INPP5A: variants seen among roughly 807,000 people sequenced by gnomAD.
INPP5A encodes inositol polyphosphate-5-phosphatase A, also known as 43 kDa inositol polyphosphate 5-phophatase.
Under a neutral mutation model 65.2 loss-of-function variants are expected in INPP5A, and 14 were observed. The observed-to-expected ratio is 0.21, with a 90% CI of 0.14 to 0.34. INPP5A has a LOEUF of 0.34. Among genes scored for constraint, INPP5A ranks in the 10% least tolerant of loss-of-function variants. INPP5A has a pLI of 1.00. For missense variants in INPP5A, 431 were observed against 545.6 expected (o/e 0.79, Z 2.09); for synonymous variants, 207 against 208.3 (o/e 0.99, Z 0.05).
chr10:132,570,888 C>T (rs558425369), intron 1 of INPP5A, among the ~76,000 whole-genome samples: 1 of 152,354 alleles, frequency 6.6e-6, no homozygotes, highest in East Asian at 1.9e-4. Context: ...CTTCCGGCCG[C>T]TGCTGCTCTC....
At chr10:132,701,083 G>A (rs1442010759) in intron 6 of INPP5A, among the ~76,000 whole-genome samples, 2 of 152,208 alleles carry the variant, frequency 1.3e-5, no homozygotes, top group Non-Finnish European at 2.9e-5. Context: ...CCTTCGGCGT[G>A]AGGGTTGTGT....
chr10:132,565,582 T>A (rs1270031209), intron 1 of INPP5A, among the ~76,000 whole-genome samples: 2 of 152,228 alleles, frequency 1.3e-5, no homozygotes, highest in Non-Finnish European at 2.9e-5. Context: ...TCTGTATGCA[T>A]GTGCATTTGT....
chr10:132,593,750 T>A (rs546504340), intron 1 of INPP5A, among the ~76,000 whole-genome samples: 14 of 139,926 alleles, frequency 1.0e-4, no homozygotes, highest in Non-Finnish European at 1.9e-4. Context: ...ACAATTGGGA[T>A]ATGATCTGCC....
At chr10:132,580,284 G>T (rs1325340472) in intron 1 of INPP5A, among the ~76,000 whole-genome samples, 1 of 152,166 alleles carries the variant, frequency 6.6e-6, no homozygotes, top group East Asian at 1.9e-4. Flanking sequence ...GATCCTGGGG[G>T]CCGATTTCTC....
At position 132,765,861 on chromosome 10, in the gene INPP5A, G is replaced by A. The variant is rs1379746061; in HGVS notation, c.977+15G>A. ...TTCCCTCCCAGGTATGGAACATGCTGTTTGCTGGATGAACCCGGCCGGGAA... is the reference window on the plus strand; with the variant it reads ...TTCCCTCCCAGGTATGGAACATGCTATTTGCTGGATGAACCCGGCCGGGAA... On this transcript the variant is annotated intron_variant, in intron 12 of 15. Transcript: ENST00000368594. The A allele has an allele frequency of 1.9e-6, 3 of 1,551,388 alleles. No individual in the cohort carries two copies. The highest frequency in any genetic ancestry group is 4.5e-5 in the East Asian group (2 of 44,596).
At chr10:132,723,419 G>T (rs113070544) in intron 8 of INPP5A, among the ~76,000 whole-genome samples, 2 of 152,150 alleles carry the variant, frequency 1.3e-5, no homozygotes, top group Admixed American at 1.3e-4. Flanking sequence ...CTGCGACACC[G>T]CACACAGATG....
At position 132,782,612 on chromosome 10, in the gene INPP5A, A is replaced by G. The variant is rs1209716878; in HGVS notation, c.*583A>G. The G allele has an allele frequency of 6.7e-6, 1 of 149,942 alleles. No homozygotes were observed. 9.3% of individuals were successfully genotyped at this position (149,942 alleles called of 1,614,324 possible). ...CATTTTTATATATATATAAATATAT[A>G]TAAATATATACTTTTTAAAAATAAT... is the stretch of plus-strand genomic sequence containing the variant. On this transcript the variant is annotated 3_prime_UTR_variant, in exon 16 of 16. Coordinates refer to ENST00000368594, the MANE Select transcript of INPP5A (RefSeq NM_005539.5). This position sits in a 1 kb window ranked among gnomAD's most constrained non-coding sequence, Gnocchi z 4.4.
intron 9 of INPP5A, among the ~76,000 whole-genome samples, chr10:132,734,156 G>T (rs887928813): frequency 6.6e-6 from 1 of 152,222 alleles, no homozygotes; most frequent in Non-Finnish European, 1.5e-5. Context: ...GGGATGCATC[G>T]CTGCAGGCGC....
In INPP5A at chr10:132,644,786, A is replaced by G. The variant is rs1021263025; in HGVS notation, c.118-1082A>G. Among the ~76,000 whole-genome samples, 12 of 152,226 alleles carry G rather than the reference A, an allele frequency of 7.9e-5. No homozygotes were observed. Among genetic ancestry groups the G allele is most frequent in the African/African-American group, 2.9e-4 (12 of 41,454 alleles). ...GTGTTCCAGGGGAGCGGGGTCAATC[A>G]GTGCCTCACCCCTCATCCTGCTCAA... On this transcript the variant is annotated intron_variant, in intron 2 of 15. Transcript: ENST00000368594. This position sits in a 1 kb window ranked among gnomAD's most constrained non-coding sequence, Gnocchi z 6.5.
chr10:132,601,621 A>G (rs1179806644), intron 1 of INPP5A, among the ~76,000 whole-genome samples: 1 of 152,158 alleles, frequency 6.6e-6, no homozygotes, highest in African/African-American at 2.4e-5. Context: ...AAGAATTTTT[A>G]TAGTTTTAGA....
At chr10:132,652,036 G>A (rs2072584609) in intron 4 of INPP5A, among the ~76,000 whole-genome samples, 1 of 151,460 alleles carries the variant, frequency 6.6e-6, no homozygotes, top group South Asian at 2.1e-4. Flanking sequence ...CTCCCCCTTG[G>A]TCCCTCCTCC....
chr10:132,650,252 G>C lies in INPP5A; in HGVS notation c.219-166G>C, dbSNP rs899891350. On this transcript the variant is annotated intron_variant, in intron 3 of 15. Coordinates refer to ENST00000368594, the MANE Select transcript of INPP5A (RefSeq NM_005539.5). This position sits in a 1 kb window ranked among gnomAD's most constrained non-coding sequence, Gnocchi z 5.5. ...ATGCTGAGAGCTGAACGTGAGGCCAGCTCCTGCGGTGGCTGCCGCCATTCC... is the reference window on the plus strand; with the variant it reads ...ATGCTGAGAGCTGAACGTGAGGCCACCTCCTGCGGTGGCTGCCGCCATTCC... Among the ~76,000 whole-genome samples, 14 of 152,186 alleles carry C rather than the reference G, an allele frequency of 9.2e-5. No homozygotes were observed. The highest frequency in any genetic ancestry group is 2.1e-4 in the Non-Finnish European group (14 of 68,028).
chr10:132,730,340 C>T (rs545710434), intron 9 of INPP5A, among the ~76,000 whole-genome samples: 3 of 152,344 alleles, frequency 2.0e-5, no homozygotes, highest in African/African-American at 7.2e-5. Flanking sequence ...GCCACGTGGG[C>T]GAGTCGGGTG....
chr10:132,758,112 T>C (rs1846662110), intron 11 of INPP5A, among the ~76,000 whole-genome samples: 1 of 128,976 alleles, frequency 7.8e-6, no homozygotes. Flanking sequence ...ATGGCGTGGG[T>C]CCCCGGCCGA....
chr10:132,677,465 G>A (rs982694557), intron 4 of INPP5A, among the ~76,000 whole-genome samples: 1 of 152,262 alleles, frequency 6.6e-6, no homozygotes, highest in South Asian at 2.1e-4. Context: ...CAGCAAGGGT[G>A]GGTGTCCTTA....
chr10:132,761,118 C>T lies in INPP5A; in HGVS notation c.904-4655C>T, dbSNP rs143801942. 6.4e-3 allele frequency among the ~76,000 whole-genome samples: 975 copies of T among 152,354 alleles called. 5 individuals carry two copies. Among genetic ancestry groups the T allele is most frequent in the Middle Eastern group, 0.01 (3 of 294 alleles). On this transcript the variant is annotated intron_variant, in intron 11 of 15. Transcript: ENST00000368594. ...CTTCGTGCCACGTCTGGTTCGACCT[C>T]GACTCCCTGGTGTGCTCTGCAGAGG...
rs1295586794 is a variant in INPP5A, at chr10:132,697,235, C to G, written c.371-581C>G. On this transcript the variant is annotated intron_variant, in intron 5 of 15. Transcript: ENST00000368594. This position sits in a 1 kb window ranked among gnomAD's most constrained non-coding sequence, Gnocchi z 5.6. ...CTGTCCATAAAAAGAAAGGCTGAGG[C>G]CTGGTTGTGAACAATAGTGAGACGG... Among the ~76,000 whole-genome samples the G allele has an allele frequency of 3.3e-5, 5 of 152,246 alleles. No individual in the cohort carries two copies. Among genetic ancestry groups the G allele is most frequent in the Non-Finnish European group, 7.3e-5 (5 of 68,042 alleles).
At chr10:132,614,523 C>G (rs1003424949) in intron 2 of INPP5A, among the ~76,000 whole-genome samples, 2 of 152,222 alleles carry the variant, frequency 1.3e-5, no homozygotes, top group South Asian at 4.1e-4. Context: ...GTGCTGGCCT[C>G]CTCAGCTGTC....
chr10:132,720,502 T>A (rs1590954960), intron 8 of INPP5A, among the ~76,000 whole-genome samples: 1 of 151,202 alleles, frequency 6.6e-6, no homozygotes, highest in East Asian at 2.0e-4. Context: ...TAGACAGCTG[T>A]CTTGCGGGTT....
Sources: gnomAD v4.1 joint callset for allele counts (sites outside exome capture counted in the v4.1 genomes callset) on GRCh38, gnomAD v4.1.1 for gene constraint, Gnocchi (gnomAD v3.1) non-coding constraint, MANE v1.5 for transcripts, NCBI Gene and HGNC (gene_info 2026-07-23, HGNC 2026-07-21) for gene names.